SKI: variants seen among roughly 807,000 people sequenced by gnomAD.
SKI encodes ski oncogene.
SKI carries 23 observed loss-of-function variants against 59.3 expected under a neutral mutation model. That is an observed-to-expected ratio of 0.39 (90% CI 0.28 to 0.55). SKI has a LOEUF of 0.55. Ranked by LOEUF, SKI falls within the 20% of genes least tolerant of loss-of-function variation. The pLI, the probability that SKI is intolerant of heterozygous loss-of-function variation, is 0.67. For synonymous variants in SKI, 673 were observed against 488.6 expected (o/e 1.38, Z -4.98); for missense variants, 1,017 against 1,038.9 (o/e 0.98, Z 0.29).
chr1:2,246,407 A>G (rs375117213), intron 1 of SKI, among the ~76,000 whole-genome samples: 6 of 151,558 alleles, frequency 4.0e-5, no homozygotes, highest in African/African-American at 1.2e-4. Context: ...GTCTTTATCT[A>G]CTCTGGTTAG....
At chr1:2,304,138 GGGCTGTGGGGGTGGCACT>G (rs1393700139) in intron 4 of SKI, 36 bp downstream of exon 4, 5 of 1,608,524 alleles carry the variant, frequency 3.1e-6, no homozygotes, top group Non-Finnish European at 4.2e-6. Flanking sequence ...TCCTCCCTGT[GGGCTGTGGGGGTGGCACT>G]GGCTGAGGGG....
chr1:2,278,339 A>T (rs1639790012), intron 1 of SKI, among the ~76,000 whole-genome samples: 1 of 152,182 alleles, frequency 6.6e-6, no homozygotes, highest in South Asian at 2.1e-4. Context: ...CTGCTGTGAG[A>T]CGCAGGAGCC....
intron 1 of SKI, among the ~76,000 whole-genome samples, chr1:2,241,309 C>T (rs903981570): frequency 4.6e-5 from 7 of 152,210 alleles, no homozygotes; most frequent in African/African-American, 1.2e-4. Flanking sequence ...CTCAATGCAC[C>T]CCATGTATCC....
intron 1 of SKI, among the ~76,000 whole-genome samples, chr1:2,284,908 A>C (rs988325346): frequency 6.6e-6 from 1 of 152,258 alleles, no homozygotes; most frequent in Non-Finnish European, 1.5e-5. Flanking sequence ...TTTTGGTGCC[A>C]CACACAGCAC....
intron 1 of SKI, among the ~76,000 whole-genome samples, chr1:2,253,722 G>A (rs1639215300): frequency 6.6e-6 from 1 of 152,206 alleles, no homozygotes; most frequent in Admixed American, 6.5e-5. Context: ...GCCCACAGGG[G>A]CCCTGGGAGT....
intron 1 of SKI, among the ~76,000 whole-genome samples, chr1:2,257,577 C>T (rs920135196): frequency 4.6e-5 from 7 of 152,202 alleles, no homozygotes; most frequent in South Asian, 4.1e-4. Context: ...ATCCAAGAGC[C>T]GGGCTCTCGG....
intron 1 of SKI, among the ~76,000 whole-genome samples, chr1:2,257,739 CTTAT>C (rs1381576505): frequency 2.0e-5 from 3 of 151,900 alleles, no homozygotes; most frequent in Non-Finnish European, 4.4e-5. Flanking sequence ...TATTTATTTA[CTTAT>C]TTATTTATTT....
chr1:2,288,560 C>A (rs879286308), intron 1 of SKI, among the ~76,000 whole-genome samples: 2 of 152,218 alleles, frequency 1.3e-5, no homozygotes, highest in Non-Finnish European at 2.9e-5. Flanking sequence ...TTTGCTCGTG[C>A]GTGCACATTT....
In SKI at chr1:2,304,080, G is replaced by A; in HGVS notation, c.1452G>A (p.Val484=). The change falls in exon 4 of 7, where the codon GTG becomes GTA. Residue 484 remains valine, a synonymous_variant. Coordinates refer to ENST00000378536, the MANE Select transcript of SKI (RefSeq NM_003036.4). ...PEEDKDSEAE[V]EVESREEFTS... is the part of the protein sequence containing the mutation. ...AGGACAAGGACTCGGAGGCGGAGGT[G>A]GAAGTTGAAAGCAGGGAGGAATGTA... is the stretch of plus-strand genomic sequence containing the variant. 1 of 1,612,614 alleles carries A rather than the reference G, an allele frequency of 6.2e-7. No individual in the cohort carries two copies. The highest frequency in any genetic ancestry group is 8.5e-7 in the Non-Finnish European group (1 of 1,179,910).
chr1:2,251,025 C>T (rs1018565896), intron 1 of SKI, among the ~76,000 whole-genome samples: 3 of 152,192 alleles, frequency 2.0e-5, no homozygotes, highest in African/African-American at 7.2e-5. Context: ...GTCCCCTGTC[C>T]CCATGGACTT....
rs1344859997 is a variant in SKI at position 2,306,768 on chromosome 1, T to TCCGTG, written c.*6_*10dup. On this transcript the variant is annotated 3_prime_UTR_variant, in exon 7 of 7. Transcript: ENST00000378536. ...GCGCTGCGGAGCTGGAGCCGTAGAT[T>TCCGTG]CCGTGCCTGCCGCCGCAGCGCCGCC... The TCCGTG allele has an allele frequency of 6.6e-7, 1 of 1,504,900 alleles. No homozygotes were observed. The highest frequency in any genetic ancestry group is 8.8e-7 in the Non-Finnish European group (1 of 1,131,092). The allele number at this position is 1,504,900 out of a possible 1,614,324, so 93.2% of individuals were successfully genotyped here.
intron 1 of SKI, among the ~76,000 whole-genome samples, chr1:2,247,265 A>T (rs1231132646): frequency 6.6e-6 from 1 of 152,216 alleles, no homozygotes; most frequent in African/African-American, 2.4e-5. Flanking sequence ...GTGTGTGCAC[A>T]GGTGTGCATG....
intron 1 of SKI, among the ~76,000 whole-genome samples, chr1:2,279,627 G>C (rs1018117002): frequency 6.6e-6 from 1 of 152,124 alleles, no homozygotes; most frequent in East Asian, 1.9e-4. Flanking sequence ...GGGCTGAAGG[G>C]GGGAGTCGGC....
chr1:2,296,829 C>T (rs1010371183), intron 1 of SKI, among the ~76,000 whole-genome samples: 1 of 152,152 alleles, frequency 6.6e-6, no homozygotes, highest in African/African-American at 2.4e-5. Context: ...GAGGCCGCCA[C>T]GTTCCTGCTG....
chr1:2,292,545 G>A (rs1275430834), intron 1 of SKI, among the ~76,000 whole-genome samples: 1 of 152,246 alleles, frequency 6.6e-6, no homozygotes, highest in African/African-American at 2.4e-5. Context: ...CACCCCCTGG[G>A]GAGCCGTAGC....
At chr1:2,306,391 G>C (rs1393139466) in intron 6 of SKI, 141 bp downstream of exon 6, 5 of 1,010,432 alleles carry the variant, frequency 4.9e-6, no homozygotes, top group Non-Finnish European at 7.1e-6. Context: ...CCCCCCCGAC[G>C]GGCACAGGGT....
At chr1:2,232,839 G>T (rs1638668363) in intron 1 of SKI, among the ~76,000 whole-genome samples, 1 of 152,188 alleles carries the variant, frequency 6.6e-6, no homozygotes, top group Non-Finnish European at 1.5e-5. Context: ...TATGTTTTGA[G>T]TGGTACAGGT....
At chr1:2,252,145 C>T (rs983047824) in intron 1 of SKI, among the ~76,000 whole-genome samples, 4 of 152,228 alleles carry the variant, frequency 2.6e-5, no homozygotes, top group Admixed American at 1.3e-4. Context: ...AGGTAGGGCG[C>T]TCTTCAGATG....
chr1:2,304,379 C>T lies in SKI; in HGVS notation c.1561C>T (p.Leu521=), dbSNP rs1431816575. The T allele has an allele frequency of 1.3e-6, 2 of 1,551,924 alleles. No homozygotes were observed. The highest frequency in any genetic ancestry group is 1.7e-6 in the Non-Finnish European group (2 of 1,147,372). Reference sequence around the variant, plus strand: ...CCTGGGCTCCCCGGGTGCGCGTGCCCTGCCCTCGGCCGTCCCTGATGCTGC... The same window carrying T: ...CCTGGGCTCCCCGGGTGCGCGTGCCTTGCCCTCGGCCGTCCCTGATGCTGC... ...KDLGSPGARA[L]PSAVPDAAAP... Residue 521 remains leucine (L), a synonymous_variant, in exon 5 of 7, where the codon CTG becomes TTG. Transcript: ENST00000378536.
Sources: gnomAD v4.1 joint callset for allele counts (sites outside exome capture counted in the v4.1 genomes callset) on GRCh38, gnomAD v4.1.1 for gene constraint, MANE v1.5 for transcripts, NCBI Gene and HGNC (gene_info 2026-07-23, HGNC 2026-07-21) for gene names.